Variants in ROBO2 observed in about 807,000 individuals in gnomAD.
The protein encoded by ROBO2 is roundabout guidance receptor 2.
A neutral mutation model predicts 160.8 loss-of-function variants in ROBO2; 53 were observed. That is an observed-to-expected ratio of 0.33 (90% CI 0.26 to 0.41). The LOEUF (loss-of-function observed/expected upper bound fraction) is 0.41. ROBO2 is among the 10% of genes least tolerant of loss of function. The pLI is 1.00. For missense variants in ROBO2, 1,577 were observed against 1,722.4 expected (o/e 0.92, Z 1.49); for synonymous variants, 664 against 611.7 (o/e 1.09, Z -1.26).
chr3:76,449,625 A>G (rs957415120), intron 2 of ROBO2, among the ~76,000 whole-genome samples: 1 of 152,148 alleles, frequency 6.6e-6, no homozygotes, highest in East Asian at 1.9e-4. Context: ...AGAATTGTAT[A>G]CATATCAAAA....
chr3:76,570,801 T>C (rs927952763), intron 2 of ROBO2, among the ~76,000 whole-genome samples: 1 of 152,178 alleles, frequency 6.6e-6, no homozygotes, highest in Non-Finnish European at 1.5e-5. Flanking sequence ...ATCCATCTAG[T>C]TTTATAGCCC....
chr3:77,471,450 G>T (rs1296606064), intron 2 of ROBO2, among the ~76,000 whole-genome samples: 1 of 152,184 alleles, frequency 6.6e-6, no homozygotes, highest in Non-Finnish European at 1.5e-5. Flanking sequence ...AGTCCTCAAG[G>T]GTTTTTGGAC....
intron 2 of ROBO2, among the ~76,000 whole-genome samples, chr3:77,323,728 A>G (rs985289412): frequency 3.9e-5 from 6 of 152,200 alleles, no homozygotes; most frequent in Non-Finnish European, 8.8e-5. Flanking sequence ...TTCATCACAC[A>G]CAGACACATC....
At chr3:76,367,152 A>G (rs1183396439) in intron 2 of ROBO2, among the ~76,000 whole-genome samples, 9 of 152,004 alleles carry the variant, frequency 5.9e-5, no homozygotes, top group African/African-American at 2.2e-4. Flanking sequence ...TTTGCTTTAA[A>G]TTTATTATAT....
chr3:76,146,406 A>G (rs1355236900), intron 2 of ROBO2, among the ~76,000 whole-genome samples: 2 of 151,804 alleles, frequency 1.3e-5, no homozygotes, highest in East Asian at 3.9e-4. Flanking sequence ...TCATTTCTCA[A>G]GGTCCTCATA....
At chr3:77,453,963 GT>G (rs936524100) in intron 2 of ROBO2, among the ~76,000 whole-genome samples, 30 of 151,950 alleles carry the variant, frequency 2.0e-4, no homozygotes, top group Non-Finnish European at 3.2e-4. Flanking sequence ...GCAAATACAT[GT>G]TTTTTTGCTC....
chr3:76,786,626 G>A (rs147358107), intron 2 of ROBO2, among the ~76,000 whole-genome samples: 104 of 151,414 alleles, frequency 6.9e-4, no homozygotes, highest in African/African-American at 2.3e-3. Context: ...CCAACATTGC[G>A]GATTACAATA....
chr3:77,421,830 A>G (rs1379578117), intron 2 of ROBO2, among the ~76,000 whole-genome samples: 1 of 152,198 alleles, frequency 6.6e-6, no homozygotes, highest in African/African-American at 2.4e-5. Context: ...AAATTTTATT[A>G]TAATGAACAA....
intron 2 of ROBO2, among the ~76,000 whole-genome samples, chr3:77,225,432 C>T (rs191449467): frequency 6.6e-6 from 1 of 151,900 alleles, no homozygotes; most frequent in African/African-American, 2.4e-5. Context: ...TTTTGGATTC[C>T]ATTGCTCAGA....
chr3:76,375,939 T>C (rs1460652776), intron 2 of ROBO2, among the ~76,000 whole-genome samples: 1 of 152,060 alleles, frequency 6.6e-6, no homozygotes, highest in Non-Finnish European at 1.5e-5. Flanking sequence ...ATTTGAATCA[T>C]TTATCTTCTA....
Position 76,073,267 on chromosome 3 carries a change from C to CTTTTTTTTTTTTTTTT in ROBO2, c.109+135694_109+135709dup, listed in dbSNP as rs869307615. Among the ~76,000 whole-genome samples, 7 of 57,402 alleles carry CTTTTTTTTTTTTTTTT rather than the reference C, an allele frequency of 1.2e-4. 1 individual carries two copies. Among genetic ancestry groups the CTTTTTTTTTTTTTTTT allele is most frequent in the Non-Finnish European group, 2.1e-4 (6 of 28,424 alleles). The allele number at this position is 57,402 out of a possible 152,430, so 37.7% of individuals were successfully genotyped here. A position where few individuals can be genotyped will look rare whatever the true frequency, so the allele number is the denominator to read the frequency against. On this transcript the variant is annotated intron_variant, in intron 2 of 26. Transcript: ENST00000487694. ...TTGTAAACTTCTCAGAATGAGTATT[C>CTTTTTTTTTTTTTTTT]TTTTTTTTTTTTTTTTTTTTTTTTT...
rs542564151 is a variant in ROBO2, at chr3:75,912,274, A to G, written c.-14+5314A>G. Among the ~76,000 whole-genome samples, 8 of 152,304 alleles carry G rather than the reference A, an allele frequency of 5.3e-5. No homozygotes were observed. In the East Asian group the frequency reaches 7.7e-4, roughly 15 times the overall value. ...TCTCCTCCCCATGCTTAACAGTTTT[A>G]TGCTGTCATTCTGTCAGCACTGAGT... is the stretch of plus-strand genomic sequence containing the variant. On this transcript the variant is annotated intron_variant, in intron 1 of 26. Coordinates refer to the ROBO2 transcript ENST00000487694.
intron 2 of ROBO2, among the ~76,000 whole-genome samples, chr3:76,924,261 C>G (rs922675499): frequency 6.6e-6 from 1 of 152,128 alleles, no homozygotes; most frequent in Non-Finnish European, 1.5e-5. Context: ...ACTTCCACTG[C>G]GATGGTATTG....
intron 2 of ROBO2, among the ~76,000 whole-genome samples, chr3:77,150,602 C>G (rs772301394): frequency 2.6e-5 from 4 of 151,172 alleles, no homozygotes; most frequent in Non-Finnish European, 5.9e-5. Flanking sequence ...ATTTTTTTTT[C>G]CCTTGCAAAG....
intron 2 of ROBO2, among the ~76,000 whole-genome samples, chr3:76,974,009 A>G (rs1445471666): frequency 6.6e-6 from 1 of 152,190 alleles, no homozygotes. Flanking sequence ...CTCTTGACTG[A>G]ATAACATGTT....
At chr3:77,215,992 T>G (rs1456083406) in intron 2 of ROBO2, among the ~76,000 whole-genome samples, 1 of 152,146 alleles carries the variant, frequency 6.6e-6, no homozygotes, top group Non-Finnish European at 1.5e-5. Context: ...CTGCCACTAC[T>G]GGGGGGTGCC....
At chr3:76,673,602 C>T (rs1214810143) in intron 2 of ROBO2, among the ~76,000 whole-genome samples, 1 of 151,960 alleles carries the variant, frequency 6.6e-6, no homozygotes, top group Non-Finnish European at 1.5e-5. Context: ...TAAAAACGCT[C>T]AAAACAATTA....
At chr3:76,444,481 C>A (rs1273736476) in intron 2 of ROBO2, among the ~76,000 whole-genome samples, 2 of 152,110 alleles carry the variant, frequency 1.3e-5, no homozygotes, top group African/African-American at 4.8e-5. Flanking sequence ...TACATTTCAG[C>A]ATGGCTAGGG....
At chr3:76,467,822 G>A (rs2106951055) in intron 2 of ROBO2, among the ~76,000 whole-genome samples, 1 of 152,160 alleles carries the variant, frequency 6.6e-6, no homozygotes, top group South Asian at 2.1e-4. Context: ...ATGTTTGATA[G>A]GGATTTGTCT....
Sources: allele counts gnomAD v4.1 joint callset (sites outside exome capture counted in the v4.1 genomes callset), GRCh38; gene constraint gnomAD v4.1.1; transcripts MANE v1.5; gene names NCBI Gene and HGNC (gene_info 2026-07-23, HGNC 2026-07-21).